Variants in WAC observed in about 807,000 individuals in gnomAD.
The protein encoded by WAC is WW domain containing adaptor with coiled-coil, also known as WW domain-containing adapter protein with coiled-coil.
WAC carries 11 observed loss-of-function variants against 79.6 expected under a neutral mutation model. That is an observed-to-expected ratio of 0.14 (90% CI 0.09 to 0.23). WAC has a LOEUF of 0.23. Among genes scored for constraint, WAC ranks in the 10% least tolerant of loss-of-function variants. WAC has a pLI of 1.00. For synonymous variants in WAC, 304 were observed against 276.9 expected (o/e 1.10, Z -0.97); for missense variants, 728 against 773.5 (o/e 0.94, Z 0.70).
chr10:28,550,362 C>T (rs537087938), intron 3 of WAC, among the ~76,000 whole-genome samples: 1 of 151,688 alleles, frequency 6.6e-6, no homozygotes, highest in South Asian at 2.1e-4. Flanking sequence ...TCCACTCCTA[C>T]CTCACCTTTT....
chr10:28,611,953 GAA>G, intron 10 of WAC, 31 bp downstream of exon 10: 14 of 1,597,980 alleles, frequency 8.8e-6, no homozygotes, highest in Non-Finnish European at 1.2e-5. Context: ...ATTCGGAAAA[GAA>G]ACTACTTACT....
chr10:28,552,842 C>G (rs1238113331), intron 3 of WAC, among the ~76,000 whole-genome samples: 3 of 111,880 alleles, frequency 2.7e-5, no homozygotes, highest in African/African-American at 1.0e-4. Context: ...ATCCACTTGG[C>G]TGCTTTTTTT....
At chr10:28,615,939 G>A (rs1841447779) in intron 11 of WAC, 1 of 393,492 alleles carries the variant, frequency 2.5e-6, no homozygotes, top group East Asian at 3.8e-5. Flanking sequence ...GATTTGGAGA[G>A]TAGTTTACAT....
chr10:28,551,784 T>TGTGTGTGTGTGTGTGTG (rs1837682780), intron 3 of WAC, among the ~76,000 whole-genome samples: 2 of 124,808 alleles, frequency 1.6e-5, no homozygotes, highest in African/African-American at 6.3e-5. Context: ...TCCTGTCTAC[T>TGTGTGTGTGTGTGTGTG]TGTGTGTGTG....
intron 3 of WAC, among the ~76,000 whole-genome samples, chr10:28,558,952 A>G (rs142054629): frequency 5.9e-4 from 90 of 152,324 alleles, no homozygotes; most frequent in Non-Finnish European, 1.1e-3. Context: ...TTTGGTGCAA[A>G]TCAACCCAGC....
At chr10:28,559,267 G>T (rs1838178209) in intron 3 of WAC, among the ~76,000 whole-genome samples, 1 of 152,038 alleles carries the variant, frequency 6.6e-6, no homozygotes, top group Admixed American at 6.6e-5. Context: ...AGATATGCTT[G>T]GGAAGTAGGA....
chr10:28,565,165 T>C (rs1214627488), intron 3 of WAC, among the ~76,000 whole-genome samples: 2 of 152,256 alleles, frequency 1.3e-5, no homozygotes, highest in African/African-American at 4.8e-5. Context: ...TGTTCCTGTT[T>C]TAACCGCTGG....
At chr10:28,597,709 A>G (rs745807968) in intron 7 of WAC, among the ~76,000 whole-genome samples, 2 of 152,100 alleles carry the variant, frequency 1.3e-5, no homozygotes, top group African/African-American at 2.4e-5. Context: ...ATCCTCATAT[A>G]CAGTGTGTCC....
intron 3 of WAC, among the ~76,000 whole-genome samples, chr10:28,544,916 T>C (rs1197890363): frequency 6.6e-6 from 1 of 151,660 alleles, no homozygotes; most frequent in East Asian, 1.9e-4. Context: ...ATACAAAAAT[T>C]AGCTGGGGCG....
chr10:28,570,946 CTTTTTTTTTTTTTTTTT>C (rs139500035), intron 3 of WAC, among the ~76,000 whole-genome samples: 2 of 64,506 alleles, frequency 3.1e-5, no homozygotes, highest in African/African-American at 6.0e-5. Flanking sequence ...TAAAGATATA[CTTTTTTTTTTTTTTTTT>C]TTTTTTTTTT....
At chr10:28,565,680 C>T (rs1838562365) in intron 3 of WAC, among the ~76,000 whole-genome samples, 1 of 152,028 alleles carries the variant, frequency 6.6e-6, no homozygotes, top group Non-Finnish European at 1.5e-5. Flanking sequence ...ATGGAAATAC[C>T]TGAATTTTTA....
intron 1 of WAC, 90 bp from the exon 2 acceptor site, chr10:28,533,908 G>T (rs1238228193): frequency 1.3e-6 from 2 of 1,501,370 alleles, no homozygotes; most frequent in Admixed American, 1.8e-5. Flanking sequence ...GTCTCCCGCG[G>T]GGAGGGGCGG....
At chr10:28,550,945 A>G (rs1837633985) in intron 3 of WAC, among the ~76,000 whole-genome samples, 1 of 152,240 alleles carries the variant, frequency 6.6e-6, no homozygotes, top group Non-Finnish European at 1.5e-5. Flanking sequence ...TGATTTGAAT[A>G]CTGAAGTGAC....
At chr10:28,556,935 A>G (rs1170341599) in intron 3 of WAC, among the ~76,000 whole-genome samples, 1 of 152,136 alleles carries the variant, frequency 6.6e-6, no homozygotes, top group East Asian at 1.9e-4. Context: ...TACCAGAACC[A>G]TACTTTTTTT....
intron 10 of WAC, 87 bp downstream of exon 10, chr10:28,612,009 C>T (rs1589242816): frequency 1.3e-6 from 2 of 1,498,406 alleles, no homozygotes; most frequent in East Asian, 4.5e-5. Context: ...TAGAAAAAGC[C>T]CTCTGAGAAT....
chr10:28,596,749 T>TAAATA (rs1439576203), intron 7 of WAC, among the ~76,000 whole-genome samples: 1 of 152,222 alleles, frequency 6.6e-6, no homozygotes, highest in Non-Finnish European at 1.5e-5. Flanking sequence ...TAAAATGTAG[T>TAAATA]AAATAAATTG....
At chr10:28,608,028 T>C (rs1766604370) in intron 7 of WAC, among the ~76,000 whole-genome samples, 158 bp from the exon 8 acceptor site, 1 of 152,218 alleles carries the variant, frequency 6.6e-6, no homozygotes, top group African/African-American at 2.4e-5. Flanking sequence ...ATTCTAGTCA[T>C]GTGAATGTTT....
At chr10:28,595,692 C>T in intron 6 of WAC, 41 bp from the exon 7 acceptor site, 3 of 1,577,604 alleles carry the variant, frequency 1.9e-6, no homozygotes, top group Non-Finnish European at 2.6e-6. Flanking sequence ...CTTCCCCCTT[C>T]TGTCATTCCA....
chr10:28,556,938 C>CT (rs896561977), intron 3 of WAC, among the ~76,000 whole-genome samples: 3 of 152,056 alleles, frequency 2.0e-5, no homozygotes, highest in South Asian at 2.1e-4. Flanking sequence ...CAGAACCATA[C>CT]TTTTTTTATT....
Sources: allele counts gnomAD v4.1 joint callset (sites outside exome capture counted in the v4.1 genomes callset), GRCh38; gene constraint gnomAD v4.1.1; transcripts MANE v1.5; gene names NCBI Gene and HGNC (gene_info 2026-07-23, HGNC 2026-07-21).